ASXL3: variants seen among roughly 807,000 people sequenced by gnomAD.
ASXL3 encodes putative Polycomb group protein ASXL3.
A neutral mutation model predicts 170.6 loss-of-function variants in ASXL3; 34 were observed. That is an observed-to-expected ratio of 0.20 (90% CI 0.15 to 0.27). ASXL3 has a LOEUF of 0.27. Among genes scored for constraint, ASXL3 ranks in the 10% least tolerant of loss-of-function variants. The probability of loss-of-function intolerance (pLI) is 1.00; values close to 1 mark genes in which losing one functional copy is unlikely to be tolerated. For synonymous variants in ASXL3, 1,002 were observed against 989.1 expected, an observed-to-expected ratio of 1.01 and a Z score of -0.24; for missense variants, 2,592 against 2,695.3, an observed-to-expected ratio of 0.96 and a Z score of 0.85.
chr18:33,730,821 T>G (rs539925504), intron 8 of ASXL3, among the ~76,000 whole-genome samples: 2 of 152,288 alleles, frequency 1.3e-5, no homozygotes, highest in South Asian at 4.1e-4. Context: ...TTGAATAAGA[T>G]GAAATAATTG....
At chr18:33,686,738 A>T (rs2066603600) in intron 8 of ASXL3, among the ~76,000 whole-genome samples, 1 of 152,186 alleles carries the variant, frequency 6.6e-6, no homozygotes, top group Non-Finnish European at 1.5e-5. Flanking sequence ...AACTCTTTGA[A>T]CTTTTTCTGA....
intron 1 of ASXL3, among the ~76,000 whole-genome samples, chr18:33,594,412 G>C (rs1233023649): frequency 6.6e-6 from 1 of 152,156 alleles, no homozygotes; most frequent in Non-Finnish European, 1.5e-5. Flanking sequence ...GCAGAACTCA[G>C]CTTGTAAAAT....
intron 4 of ASXL3, among the ~76,000 whole-genome samples, chr18:33,660,130 G>A (rs1332404261): frequency 6.6e-6 from 1 of 152,036 alleles, no homozygotes. Flanking sequence ...AGTTTCATTG[G>A]CCCTATGACC....
At position 33,607,671 on chromosome 18, in the gene ASXL3, A is replaced by G. The variant is rs1194824400; in HGVS notation, c.132A>G (p.Glu44=). The change falls in exon 2 of 12, where the codon GAA becomes GAG. Residue 44 remains glutamate, a synonymous_variant. Transcript: ENST00000269197. ...LEVIQKEGLK[E]TSGTSPLACL... Reference sequence around the variant, plus strand: ...TCATTCAGAAAGAAGGGTTAAAAGAAACAAGGTCAGTATCCATATTTAAAA... The same window carrying G: ...TCATTCAGAAAGAAGGGTTAAAAGAGACAAGGTCAGTATCCATATTTAAAA... The G allele has an allele frequency of 1.3e-6, 2 of 1,574,920 alleles. No homozygotes were observed. Among genetic ancestry groups the G allele is most frequent in the Non-Finnish European group, 1.7e-6 (2 of 1,158,662 alleles).
intron 8 of ASXL3, among the ~76,000 whole-genome samples, chr18:33,701,573 G>A (rs1013105565): frequency 6.6e-6 from 1 of 151,758 alleles, no homozygotes; most frequent in Admixed American, 6.6e-5. Flanking sequence ...TTTCTTCACT[G>A]ATTTTTGGGT....
chr18:33,723,897 A>G (rs2145378222), intron 8 of ASXL3, among the ~76,000 whole-genome samples: 1 of 152,292 alleles, frequency 6.6e-6, no homozygotes, highest in African/African-American at 2.4e-5. Flanking sequence ...CATCCATGCA[A>G]GACCCTCCGT....
At chr18:33,601,646 G>A (rs2065183930) in intron 1 of ASXL3, among the ~76,000 whole-genome samples, 1 of 151,528 alleles carries the variant, frequency 6.6e-6, no homozygotes, top group Non-Finnish European at 1.5e-5. Flanking sequence ...CCAAGGCCCA[G>A]GATTACATGA....
At chr18:33,590,111 G>GTTTTTTTTTTGTTTTTTT (rs2065064662) in intron 1 of ASXL3, among the ~76,000 whole-genome samples, 1 of 83,184 alleles carries the variant, frequency 1.2e-5, no homozygotes, top group African/African-American at 6.9e-5. Flanking sequence ...TGCTTTCTAT[G>GTTTTTTTTTTGTTTTTTT]TTTTTTTTTT....
At chr18:33,658,965 T>C (rs554886762) in intron 4 of ASXL3, among the ~76,000 whole-genome samples, 1 of 152,204 alleles carries the variant, frequency 6.6e-6, no homozygotes, top group African/African-American at 2.4e-5. Context: ...ATACAACATA[T>C]ATAAATAGAT....
At chr18:33,705,312 C>A (rs1273053391) in intron 8 of ASXL3, among the ~76,000 whole-genome samples, 1 of 150,588 alleles carries the variant, frequency 6.6e-6, no homozygotes, top group African/African-American at 2.4e-5. Flanking sequence ...ACCATCCCAC[C>A]AACTTTATAT....
intron 5 of ASXL3, among the ~76,000 whole-genome samples, chr18:33,665,757 G>GT (rs948903243): frequency 2.7e-4 from 40 of 149,308 alleles, no homozygotes; most frequent in East Asian, 9.8e-4. Flanking sequence ...TTATTTAAAG[G>GT]TTTTTTTTTT....
chr18:33,650,675 T>G (rs193036807), intron 4 of ASXL3, among the ~76,000 whole-genome samples: 6 of 152,250 alleles, frequency 3.9e-5, no homozygotes, highest in Admixed American at 3.9e-4. Flanking sequence ...AATAGGCACT[T>G]CACCAAATAA....
intron 1 of ASXL3, 127 bp downstream of exon 1, chr18:33,578,812 C>CT (rs991622282): frequency 1.9e-6 from 1 of 534,280 alleles, no homozygotes; most frequent in Non-Finnish European, 2.5e-6. Context: ...GGCTCCTGCT[C>CT]TTTGTTATTC....
At position 33,748,778 on chromosome 18, in the gene ASXL3, A is replaced by T. The variant is rs1480314426; in HGVS notation, c.*2183A>T. ...TCATTCACTGCTATACCAGTGTCAG[A>T]TACTGTCTACACCAGCAAATTGAAA... On this transcript the variant is annotated 3_prime_UTR_variant, in exon 12 of 12. Transcript: ENST00000269197. 6.6e-6 allele frequency: 1 copy of T among 152,246 alleles called. No individual in the cohort carries two copies. Among genetic ancestry groups the T allele is most frequent in the Admixed American group, 6.5e-5 (1 of 15,284 alleles). 9.4% of individuals were successfully genotyped at this position (152,246 alleles called of 1,614,324 possible). A position where few individuals can be genotyped will look rare whatever the true frequency, so the allele number is the denominator to read the frequency against.
chr18:33,700,236 T>C (rs2066847691), intron 8 of ASXL3, among the ~76,000 whole-genome samples: 1 of 151,966 alleles, frequency 6.6e-6, no homozygotes, highest in Non-Finnish European at 1.5e-5. Flanking sequence ...GTAATCAAGA[T>C]AAAAATAGGA....
At position 33,740,251 on chromosome 18, in the gene ASXL3, T is replaced by C. The variant is rs771395590; in HGVS notation, c.2847T>C (p.Pro949=). ...AGTCATCAGAGCCCTCCAAGTCACC[T>C]GATGGGATAAGAAATGAAAGTAGAG... is the stretch of plus-strand genomic sequence containing the variant. ...TSKSSEPSKS[P]DGIRNESRDS... Residue 949 remains proline (P), a synonymous_variant, in exon 11 of 12, where the codon CCT becomes CCC. Transcript: ENST00000269197. 1 of 1,613,622 alleles carries C rather than the reference T, an allele frequency of 6.2e-7. No individual in the cohort carries two copies. Among genetic ancestry groups the C allele is most frequent in the East Asian group, 2.2e-5 (1 of 44,866 alleles).
chr18:33,607,797 ATTCT>A, intron 2 of ASXL3, 121 bp downstream of exon 2: 1 of 746,894 alleles, frequency 1.3e-6, no homozygotes, highest in East Asian at 2.7e-5. Context: ...CTCCCCACAA[ATTCT>A]TTCTAATTAA....
intron 2 of ASXL3, among the ~76,000 whole-genome samples, chr18:33,613,619 A>C (rs545405455): frequency 6.6e-6 from 1 of 152,208 alleles, no homozygotes; most frequent in African/African-American, 2.4e-5. Context: ...TACATACCTT[A>C]ATTTAAAAAA....
In ASXL3 at chr18:33,605,888, C is replaced by G. The variant is rs75224429; in HGVS notation, c.55-1706C>G. On this transcript the variant is annotated intron_variant, in intron 1 of 11. Transcript: ENST00000269197. ...TTGCTTGCTTCCTGTGTGTCTGTGT[C>G]TATTGACCTCCTGCCCATATCTTTT... Among the ~76,000 whole-genome samples the G allele has an allele frequency of 9.0e-3, 1,364 of 151,972 alleles. 8 individuals are homozygous for G. Among genetic ancestry groups the G allele is most frequent in the Admixed American group, 0.015 (229 of 15,228 alleles).
Sources: allele counts gnomAD v4.1 joint callset (sites outside exome capture counted in the v4.1 genomes callset), GRCh38; gene constraint gnomAD v4.1.1; transcripts MANE v1.5; gene names NCBI Gene and HGNC (gene_info 2026-07-23, HGNC 2026-07-21).